The following PHACTR3 variants were observed in gnomAD, a reference collection of about 807,000 sequenced individuals.
PHACTR3 encodes the protein protein phosphatase 1, regulatory subunit 123.
PHACTR3 carries 16 observed loss-of-function variants against 66.8 expected under a neutral mutation model. The observed-to-expected ratio is 0.24, with a 90% confidence interval of 0.16 to 0.36. The LOEUF (loss-of-function observed/expected upper bound fraction) is 0.36, where lower values mean the gene tolerates loss of function less well. Ranked by LOEUF, PHACTR3 falls within the 10% of genes least tolerant of loss-of-function variation. PHACTR3 has a pLI of 1.00. For missense variants in PHACTR3, 647 were observed against 719.9 expected, an observed-to-expected ratio of 0.90 and a Z score of 1.16; for synonymous variants, 323 against 292.1, an observed-to-expected ratio of 1.11 and a Z score of -1.08.
rs972630617 is a variant in PHACTR3 at position 59,738,550 on chromosome 20, T to G, written c.119-4557T>G. ...AAAGAAAGTTGGGTTCAGGGTCTGA[T>G]CTGTAGTTTATTCTGTGTGCTACTC... On this transcript the variant is annotated intron_variant, in intron 1 of 12. Coordinates refer to ENST00000371015, the MANE Select transcript of PHACTR3 (RefSeq NM_080672.5). This position sits in a 1 kb window ranked among gnomAD's most constrained non-coding sequence, Gnocchi z 4.4. Among the ~76,000 whole-genome samples, 8 of 152,096 alleles carry G rather than the reference T, an allele frequency of 5.3e-5. No individual in the cohort carries two copies. Among genetic ancestry groups the G allele is most frequent in the African/African-American group, 1.9e-4 (8 of 41,438 alleles).
At chr20:59,719,253 C>T (rs1383034667) in intron 1 of PHACTR3, among the ~76,000 whole-genome samples, 1 of 152,158 alleles carries the variant, frequency 6.6e-6, no homozygotes. Context: ...ATAACTTCCA[C>T]CTCCCGGGTT....
At chr20:59,823,167 A>G (rs2042097260) in intron 8 of PHACTR3, among the ~76,000 whole-genome samples, 2 of 152,214 alleles carry the variant, frequency 1.3e-5, no homozygotes, top group Non-Finnish European at 2.9e-5. Flanking sequence ...GAAGGGACTT[A>G]TATACATGGT....
At chr20:59,846,999 A>G (rs1032895652) in intron 12 of PHACTR3, 116 bp from the exon 13 acceptor site, 61 of 688,446 alleles carry the variant, frequency 8.9e-5, no homozygotes, top group Non-Finnish European at 5.3e-5. Flanking sequence ...TGTTTTACAT[A>G]TGGGACTTCT....
intron 1 of PHACTR3, among the ~76,000 whole-genome samples, chr20:59,640,968 CTATA>C (rs2035079242): frequency 6.6e-6 from 1 of 152,112 alleles, no homozygotes. Flanking sequence ...GTGTTTCTCT[CTATA>C]TATATGCACA....
chr20:59,808,130 G>C (rs1024668616), intron 8 of PHACTR3, among the ~76,000 whole-genome samples: 4 of 152,218 alleles, frequency 2.6e-5, no homozygotes, highest in African/African-American at 7.2e-5. Context: ...GCTACCATGA[G>C]CCGGGTGGAG....
chr20:59,758,142 G>T (rs1236391837), intron 4 of PHACTR3, among the ~76,000 whole-genome samples: 1 of 152,072 alleles, frequency 6.6e-6, no homozygotes, highest in East Asian at 1.9e-4. Flanking sequence ...GCCGTGCATG[G>T]TTCCCTGGGG....
chr20:59,817,132 AG>A (rs2145403639), intron 8 of PHACTR3, among the ~76,000 whole-genome samples: 1 of 152,386 alleles, frequency 6.6e-6, no homozygotes, highest in Non-Finnish European at 1.5e-5. Context: ...CTCTTTGCAT[AG>A]TGGGCTCTTT....
At chr20:59,823,835 A>G (rs1338931) in intron 8 of PHACTR3, among the ~76,000 whole-genome samples, 69,264 of 152,166 alleles carry the variant, frequency 0.46, 18,695 homozygotes, top group African/African-American at 0.76. Context: ...TTTTACACCC[A>G]TATGAGATCA....
At chr20:59,633,623 G>C (rs1450132869) in intron 1 of PHACTR3, among the ~76,000 whole-genome samples, 1 of 152,116 alleles carries the variant, frequency 6.6e-6, no homozygotes, top group African/African-American at 2.4e-5. Context: ...CTTTTCTTTT[G>C]TTTTTGTTTT....
intron 1 of PHACTR3, among the ~76,000 whole-genome samples, chr20:59,645,373 G>C (rs972608268): frequency 7.2e-5 from 11 of 152,062 alleles, no homozygotes; most frequent in African/African-American, 2.7e-4. Flanking sequence ...TCATGAGGGA[G>C]GTGGAGGGAG....
intron 1 of PHACTR3, among the ~76,000 whole-genome samples, chr20:59,634,117 A>G (rs1239499274): frequency 1.3e-5 from 2 of 152,226 alleles, no homozygotes; most frequent in Non-Finnish European, 2.9e-5. Flanking sequence ...AGATAGATAT[A>G]ATGGATTCAG....
chr20:59,785,863 T>TGCA (rs1491233593), intron 7 of PHACTR3, among the ~76,000 whole-genome samples: 4 of 4,118 alleles, frequency 9.7e-4, no homozygotes, highest in African/African-American at 1.2e-3. Context: ...CATCCCCTGC[T>TGCA]TCTGCATCCC....
At chr20:59,751,287 G>A (rs956658726) in intron 3 of PHACTR3, among the ~76,000 whole-genome samples, 1 of 152,130 alleles carries the variant, frequency 6.6e-6, no homozygotes, top group African/African-American at 2.4e-5. Flanking sequence ...TCCTGTGGCC[G>A]GCCAGGCTCA....
At chr20:59,695,588 G>A (rs1038463884) in intron 1 of PHACTR3, among the ~76,000 whole-genome samples, 2 of 151,982 alleles carry the variant, frequency 1.3e-5, no homozygotes, top group Non-Finnish European at 2.9e-5. Context: ...CTGTATCTTG[G>A]GTTTTTAAAA....
chr20:59,772,926 C>T (rs1455483278), intron 5 of PHACTR3, among the ~76,000 whole-genome samples: 2 of 152,148 alleles, frequency 1.3e-5, no homozygotes, highest in South Asian at 2.1e-4. Flanking sequence ...TGCACAGATT[C>T]TTCCGGGTTT....
chr20:59,603,275 GTGTT>G (rs2033534218), upstream of PHACTR3, among the ~76,000 whole-genome samples: 1 of 152,152 alleles, frequency 6.6e-6, no homozygotes, highest in South Asian at 2.1e-4. Flanking sequence ...GGGCGTCTCT[GTGTT>G]TGTGCACTGC....
At chr20:59,773,938 A>G (rs2040440330) in intron 6 of PHACTR3, among the ~76,000 whole-genome samples, 2 of 152,248 alleles carry the variant, frequency 1.3e-5, no homozygotes, top group South Asian at 2.1e-4. Flanking sequence ...GGTTGGAGGA[A>G]TATTAGACAA....
At chr20:59,627,199 C>T (rs2034484780) in intron 1 of PHACTR3, among the ~76,000 whole-genome samples, 2 of 152,190 alleles carry the variant, frequency 1.3e-5, no homozygotes, top group Admixed American at 1.3e-4. Flanking sequence ...TCAGAGAATG[C>T]AACCTTGCTG....
rs1225285847 is a variant in PHACTR3 at position 59,604,973 on chromosome 20, C to G, written c.-42C>G. ...CTTGGCCGCCTCGGATGCTCTGATT[C>G]CACGCGGCTCGCTCTAACTTGCCCC... On this transcript the variant is annotated 5_prime_UTR_variant, in exon 1 of 13. Transcript: ENST00000371015. 1.1e-5 allele frequency: 14 copies of G among 1,236,330 alleles called. No individual in the cohort carries two copies. The highest frequency in any genetic ancestry group is 1.4e-5 in the Non-Finnish European group (14 of 982,932). The allele number at this position is 1,236,330 out of a possible 1,614,324, so 76.6% of individuals were successfully genotyped here.
Sources: allele counts gnomAD v4.1 joint callset (sites outside exome capture counted in the v4.1 genomes callset), GRCh38; gene constraint gnomAD v4.1.1; non-coding constraint Gnocchi (gnomAD v3.1); transcripts MANE v1.5; gene names NCBI Gene and HGNC (gene_info 2026-07-23, HGNC 2026-07-21).